TNR: variants seen among roughly 807,000 people sequenced by gnomAD.
The protein encoded by TNR is tenascin R, also known as tenascin-R.
In TNR, 45 loss-of-function variants were observed where a neutral mutation model predicts 150.4. That is an observed-to-expected ratio of 0.30 (90% CI 0.24 to 0.38). TNR has a LOEUF of 0.38. TNR is among the 10% of genes least tolerant of loss of function. The probability of loss-of-function intolerance (pLI) is 1.00; values close to 1 mark genes in which losing one functional copy is unlikely to be tolerated. For missense variants in TNR, 1,544 were observed against 1,759.1 expected (o/e 0.88, Z 2.19); for synonymous variants, 687 against 678.4 (o/e 1.01, Z -0.20).
intron 2 of TNR, among the ~76,000 whole-genome samples, chr1:175,481,120 G>A (rs1458825579): frequency 1.3e-5 from 2 of 152,162 alleles, no homozygotes; most frequent in African/African-American, 4.8e-5. Context: ...CAGCGAGAGA[G>A]AAAATGTGGG....
chr1:175,338,831 C>A (rs1650372291), intron 18 of TNR, among the ~76,000 whole-genome samples: 1 of 152,164 alleles, frequency 6.6e-6, no homozygotes, highest in Admixed American at 6.5e-5. Flanking sequence ...ACCAGTGAAG[C>A]CTCCTGTGTC....
intron 18 of TNR, among the ~76,000 whole-genome samples, chr1:175,342,838 C>G (rs1179393708): frequency 1.3e-5 from 2 of 152,240 alleles, no homozygotes. Context: ...CACAGGTCAG[C>G]TAAAGGCATC....
At chr1:175,411,382 G>T (rs1355450868) in intron 2 of TNR, among the ~76,000 whole-genome samples, 2 of 152,118 alleles carry the variant, frequency 1.3e-5, no homozygotes, top group Admixed American at 6.5e-5. Context: ...GTTTTGAGGA[G>T]CTAACCCACT....
chr1:175,505,263 T>C (rs1450756241), intron 2 of TNR, among the ~76,000 whole-genome samples: 1 of 152,230 alleles, frequency 6.6e-6, no homozygotes, highest in Non-Finnish European at 1.5e-5. Flanking sequence ...ACAGGAAGCC[T>C]GGCTCCCCTG....
intron 2 of TNR, among the ~76,000 whole-genome samples, chr1:175,409,097 C>T (rs2629486): frequency 0.68 from 103,963 of 151,812 alleles, 35,975 homozygotes; most frequent in East Asian, 0.83. Flanking sequence ...TTTCAGGATC[C>T]CTAGGCGTGA....
intron 1 of TNR, among the ~76,000 whole-genome samples, chr1:175,718,676 G>A (rs1444930762): frequency 6.6e-6 from 1 of 152,234 alleles, no homozygotes; most frequent in Non-Finnish European, 1.5e-5. Flanking sequence ...GCATAACCCT[G>A]AGGGGTCAGA....
chr1:175,328,139 G>T (rs973606790), intron 21 of TNR, among the ~76,000 whole-genome samples: 3 of 152,070 alleles, frequency 2.0e-5, no homozygotes, highest in Admixed American at 1.3e-4. Flanking sequence ...GAAAAAACTA[G>T]AAGTGAGTAC....
At chr1:175,670,655 G>C (rs1253512232) in intron 1 of TNR, among the ~76,000 whole-genome samples, 1 of 152,110 alleles carries the variant, frequency 6.6e-6, no homozygotes, top group African/African-American at 2.4e-5. Flanking sequence ...TCAGAGGGGA[G>C]GGGTTCTCAT....
chr1:175,703,364 G>A (rs1475148084), intron 1 of TNR, among the ~76,000 whole-genome samples: 1 of 152,110 alleles, frequency 6.6e-6, no homozygotes, highest in East Asian at 1.9e-4. Context: ...AACTTTAATA[G>A]TTTTTCCTAT....
chr1:175,590,870 C>A (rs968753873), intron 1 of TNR, among the ~76,000 whole-genome samples: 1 of 152,198 alleles, frequency 6.6e-6, no homozygotes, highest in African/African-American at 2.4e-5. Context: ...GTGTTCTGAG[C>A]GTCCCCACAA....
At chr1:175,674,502 A>C (rs181907121) in intron 1 of TNR, among the ~76,000 whole-genome samples, 148 of 152,284 alleles carry the variant, frequency 9.7e-4, no homozygotes, top group Admixed American at 1.8e-3. Context: ...CACTACATGC[A>C]CATGTGCACA....
intron 1 of TNR, among the ~76,000 whole-genome samples, chr1:175,616,706 T>C (rs1261036731): frequency 1.3e-5 from 2 of 152,156 alleles, no homozygotes; most frequent in Non-Finnish European, 2.9e-5. Context: ...GCAAGTTTCA[T>C]TTATCTGGCA....
chr1:175,663,175 C>T (rs1225931977), intron 1 of TNR, among the ~76,000 whole-genome samples: 6 of 152,172 alleles, frequency 3.9e-5, no homozygotes, highest in Admixed American at 6.5e-5. Flanking sequence ...CTTCAGCTCC[C>T]CAAGCCGCCA....
chr1:175,656,162 G>GTGTGTA (rs1665168347), intron 1 of TNR, among the ~76,000 whole-genome samples: 1 of 150,048 alleles, frequency 6.7e-6, no homozygotes, highest in South Asian at 2.1e-4. Context: ...GTGTGTGTGT[G>GTGTGTA]TGTGTGTGTG....
Position 175,356,400 on chromosome 1 carries a change from G to A in TNR, c.3037C>T (p.Pro1013Ser). The stretch of plus-strand genomic sequence containing the variant: ...ATGGTGGCAGTATAGTGGGTGCTAG[G>A]AAGCAGGTCAACAAGCCGAAATTCC... Reference protein sequence around the residue: ...SEEFRLVDLLPSTHYTATMYA... With the variant: ...SEEFRLVDLLSSTHYTATMYA... Residue 1013 changes from proline to serine, a missense_variant, in exon 16 of 23, where the codon CCT becomes TCT. Physicochemically the swap from Pro to Ser is moderately conservative, Grantham distance 74 (BLOSUM62 -1). Transcript: ENST00000367674. 2 of 1,614,034 alleles carry A rather than the reference G, an allele frequency of 1.2e-6. No homozygotes were observed. The highest frequency in any genetic ancestry group is 1.7e-6 in the Non-Finnish European group (2 of 1,179,934).
rs144301779 is a variant in TNR at position 175,624,274 on chromosome 1, G to T, written c.-164-95905C>A. On this transcript the variant is annotated intron_variant, in intron 1 of 22. Transcript: ENST00000367674. ...AATTCTTTCCTGGAAATAGATGATA[G>T]AGAGTGTGTGCTGGGTTGATCATGT... 9.1e-3 allele frequency among the ~76,000 whole-genome samples: 1,388 copies of T among 152,230 alleles called. 24 individuals are homozygous for T. The highest frequency in any genetic ancestry group is 0.03 in the African/African-American group (1,237 of 41,502).
intron 1 of TNR, among the ~76,000 whole-genome samples, chr1:175,713,766 C>T (rs910729190): frequency 1.3e-5 from 2 of 152,208 alleles, no homozygotes; most frequent in African/African-American, 4.8e-5. Context: ...AAGTGACCTG[C>T]ATGAGAGAAG....
chr1:175,548,655 T>C (rs1377663213), intron 1 of TNR, among the ~76,000 whole-genome samples: 2 of 110,668 alleles, frequency 1.8e-5, no homozygotes, highest in Non-Finnish European at 3.8e-5. Context: ...GGTTTTACTG[T>C]AAGCAAAATT....
chr1:175,576,937 T>C (rs905421444), intron 1 of TNR, among the ~76,000 whole-genome samples: 2 of 152,210 alleles, frequency 1.3e-5, no homozygotes, highest in African/African-American at 4.8e-5. Flanking sequence ...TTCCCATCAC[T>C]GGACTCTGTA....
Sources: gnomAD v4.1 joint callset for allele counts (sites outside exome capture counted in the v4.1 genomes callset) on GRCh38, gnomAD v4.1.1 for gene constraint, MANE v1.5 for transcripts, NCBI Gene and HGNC (gene_info 2026-07-23, HGNC 2026-07-21) for gene names.